Variants in CORO2B observed in about 807,000 individuals in gnomAD.
The protein encoded by CORO2B is coronin 2B.
A neutral mutation model predicts 58.8 loss-of-function variants in CORO2B; 26 were observed. That is an observed-to-expected ratio of 0.44 (90% CI 0.32 to 0.61). The LOEUF is 0.61. Among genes scored for constraint, CORO2B ranks in the 20% least tolerant of loss-of-function variants. The pLI is 0.04. For synonymous variants in CORO2B, 242 were observed against 253.8 expected (o/e 0.95, Z 0.44); for missense variants, 460 against 645.1 (o/e 0.71, Z 3.11).
rs199928997 is a variant in CORO2B, at chr15:68,718,094, TC to T, written c.968-600del. 9.9e-3 allele frequency among the ~76,000 whole-genome samples: 1,512 copies of T among 152,244 alleles called. 28 individuals carry two copies. Among genetic ancestry groups the T allele is most frequent in the African/African-American group, 0.034 (1,400 of 41,546 alleles). On this transcript the variant is annotated intron_variant, in intron 8 of 11. Transcript: ENST00000261861. ...CCTAGCACCACCACACTGCCCCTCA[TC>T]CCCATGATAGACGTTCAGCAGAGGC...
chr15:68,619,967 A>C (rs985832899), intron 1 of CORO2B, among the ~76,000 whole-genome samples: 1 of 152,088 alleles, frequency 6.6e-6, no homozygotes, highest in Non-Finnish European at 1.5e-5. Context: ...GCTGGAGTAC[A>C]GTGGCACAGT....
the CORO2B span, among the ~76,000 whole-genome samples, chr15:68,549,663 G>A: frequency 6.6e-6 from 1 of 152,340 alleles, no homozygotes; most frequent in East Asian, 1.9e-4. Context: ...TGGTGGCTGG[G>A]CACAGTGGCT....
chr15:68,568,652 C>T, the CORO2B span, among the ~76,000 whole-genome samples: 3 of 152,190 alleles, frequency 2.0e-5, no homozygotes, highest in Non-Finnish European at 4.4e-5. Flanking sequence ...TAGGCATTAG[C>T]TCATTTACCG....
the CORO2B span, among the ~76,000 whole-genome samples, chr15:68,541,902 C>G: frequency 6.6e-6 from 1 of 152,166 alleles, no homozygotes; most frequent in Admixed American, 6.5e-5. Flanking sequence ...ACTCTGACAG[C>G]CTGGGCCTCC....
intron 2 of CORO2B, among the ~76,000 whole-genome samples, chr15:68,673,274 G>A (rs781544743): frequency 3.9e-5 from 6 of 152,284 alleles, no homozygotes; most frequent in East Asian, 1.9e-4. Flanking sequence ...AATGGCTCAC[G>A]TCTATGATAC....
intron 2 of CORO2B, among the ~76,000 whole-genome samples, chr15:68,686,526 A>G (rs1014417883): frequency 1.3e-5 from 2 of 152,200 alleles, no homozygotes; most frequent in African/African-American, 2.4e-5. Flanking sequence ...CCATAAAATG[A>G]ACTGTTACCA....
At chr15:68,583,826 G>C (rs1162085904) in intron 1 of CORO2B, among the ~76,000 whole-genome samples, 2 of 152,198 alleles carry the variant, frequency 1.3e-5, no homozygotes, top group Non-Finnish European at 2.9e-5. Flanking sequence ...GGAAGCCTTG[G>C]TGAAGAGGAA....
At chr15:68,561,179 G>T in the CORO2B span, among the ~76,000 whole-genome samples, 1 of 152,188 alleles carries the variant, frequency 6.6e-6, no homozygotes, top group South Asian at 2.1e-4. Context: ...AATCTGTCAG[G>T]CCTGAGGGTG....
chr15:68,726,177 C>A lies in CORO2B; in HGVS notation c.*203C>A, dbSNP rs940028418. Reference sequence around the variant, plus strand: ...AATAAAAGTCCCCAGCTTCTGGAGACCCCCTGCCGGCAGCCCCTTTCCCTG... The same window carrying A: ...AATAAAAGTCCCCAGCTTCTGGAGAACCCCTGCCGGCAGCCCCTTTCCCTG... On this transcript the variant is annotated 3_prime_UTR_variant, in exon 12 of 12. Transcript: ENST00000261861. 4 of 615,154 alleles carry A rather than the reference C, an allele frequency of 6.5e-6. No homozygotes were observed. Among genetic ancestry groups the A allele is most frequent in the East Asian group, 3.5e-5 (1 of 28,798 alleles). 38.1% of individuals were successfully genotyped at this position (615,154 alleles called of 1,614,324 possible).
At chr15:68,592,507 A>C (rs1308201982) in intron 1 of CORO2B, among the ~76,000 whole-genome samples, 1 of 152,206 alleles carries the variant, frequency 6.6e-6, no homozygotes, top group Non-Finnish European at 1.5e-5. Flanking sequence ...GCATACATGT[A>C]TAAAAATCTG....
At chr15:68,686,597 G>T (rs957234626) in intron 2 of CORO2B, among the ~76,000 whole-genome samples, 1 of 152,062 alleles carries the variant, frequency 6.6e-6, no homozygotes, top group Non-Finnish European at 1.5e-5. Flanking sequence ...ATTTTTAAAT[G>T]TATATAAATT....
chr15:68,705,436 C>T lies in CORO2B; in HGVS notation c.334-5296C>T, dbSNP rs113735695. On this transcript the variant is annotated intron_variant, in intron 3 of 11. Transcript: ENST00000261861. ...CTGGGCAAAAGGTGAAACTCTATCT[C>T]AAAAAAAAAAAAAAAAAAGAAAGTA... 2.6e-3 allele frequency among the ~76,000 whole-genome samples: 290 copies of T among 112,814 alleles called. 2 individuals are homozygous for T. Among genetic ancestry groups the T allele is most frequent in the African/African-American group, 9.8e-3 (275 of 28,092 alleles). 74.0% of individuals were successfully genotyped at this position (112,814 alleles called of 152,430 possible). A position where few individuals can be genotyped will look rare whatever the true frequency, so the allele number is the denominator to read the frequency against.
At chr15:68,620,100 C>CG (rs1255356228) in intron 1 of CORO2B, among the ~76,000 whole-genome samples, 1 of 151,992 alleles carries the variant, frequency 6.6e-6, no homozygotes, top group Non-Finnish European at 1.5e-5. Context: ...TTAGTAGAGA[C>CG]GGGGTTTCAC....
Position 68,710,695 on chromosome 15 carries a change from G to C in CORO2B, c.334-37G>C. ...CCTCTCATCAAGGGACTTCTTGGCC[G>C]TGTCCACCCAGCCTGGACCCTCATC... is the stretch of plus-strand genomic sequence containing the variant. On this transcript the variant is annotated intron_variant, in intron 3 of 11. Coordinates refer to ENST00000261861, the MANE Select transcript of CORO2B (RefSeq NM_006091.5). The surrounding 1 kb of genome is among the most constrained non-coding windows in gnomAD (Gnocchi z 4.1). 2 of 1,534,242 alleles carry C rather than the reference G, an allele frequency of 1.3e-6. No homozygotes were observed. The highest frequency in any genetic ancestry group is 1.8e-6 in the Non-Finnish European group (2 of 1,136,416).
chr15:68,528,697 T>C, the CORO2B span, among the ~76,000 whole-genome samples: 1 of 149,236 alleles, frequency 6.7e-6, no homozygotes, highest in African/African-American at 2.5e-5. Flanking sequence ...GTGTTTTTTT[T>C]TTTTTTTTGA....
At chr15:68,643,972 G>A (rs533195101) in intron 1 of CORO2B, among the ~76,000 whole-genome samples, 1 of 152,206 alleles carries the variant, frequency 6.6e-6, no homozygotes, top group African/African-American at 2.4e-5. Context: ...GGGAGACGGA[G>A]GTTCCAGTGA....
intron 1 of CORO2B, among the ~76,000 whole-genome samples, chr15:68,622,842 A>C (rs868552979): frequency 2.6e-5 from 4 of 152,224 alleles, no homozygotes; most frequent in Admixed American, 2.6e-4. Context: ...AGAGATTAGA[A>C]TGATTCTCAT....
chr15:68,654,124 C>T (rs2046925), intron 2 of CORO2B, among the ~76,000 whole-genome samples: 46,404 of 152,066 alleles, frequency 0.31, 7,277 homozygotes, highest in East Asian at 0.45. Context: ...GTCTGAGGCT[C>T]GAGATTGACA....
In CORO2B at chr15:68,645,608, C is replaced by G. The variant is rs1225029131; in HGVS notation, c.216+248C>G. Among the ~76,000 whole-genome samples, 2 of 152,168 alleles carry G rather than the reference C, an allele frequency of 1.3e-5. No homozygotes were observed. The highest frequency in any genetic ancestry group is 1.9e-4 in the East Asian group (1 of 5,186). ...TAAAGGTATGCACTTGGACAAGCCA[C>G]TCCCTTGGTGTACACAAGGTTCCAT... On this transcript the variant is annotated intron_variant, in intron 2 of 11. Coordinates refer to ENST00000261861, the MANE Select transcript of CORO2B (RefSeq NM_006091.5). The surrounding 1 kb of genome is among the most constrained non-coding windows in gnomAD (Gnocchi z 4.5).
Sources: gnomAD v4.1 joint callset for allele counts (sites outside exome capture counted in the v4.1 genomes callset) on GRCh38, gnomAD v4.1.1 for gene constraint, Gnocchi (gnomAD v3.1) non-coding constraint, MANE v1.5 for transcripts, NCBI Gene and HGNC (gene_info 2026-07-23, HGNC 2026-07-21) for gene names.